Variants in PRKAG2 observed in about 807,000 individuals in gnomAD.
The protein encoded by PRKAG2 is protein kinase AMP-activated non-catalytic subunit gamma 2.
A neutral mutation model predicts 69.6 loss-of-function variants in PRKAG2; 26 were observed. The ratio of observed to expected loss-of-function variants is 0.37; its 90% confidence interval spans 0.27 to 0.52. The LOEUF (loss-of-function observed/expected upper bound fraction) is 0.52, where lower values mean the gene tolerates loss of function less well. Ranked by LOEUF, PRKAG2 falls within the 20% of genes least tolerant of loss-of-function variation. The probability of loss-of-function intolerance (pLI) is 0.90; values close to 1 mark genes in which losing one functional copy is unlikely to be tolerated. For missense variants in PRKAG2, 557 were observed against 740.0 expected (o/e 0.75, Z 2.87); for synonymous variants, 293 against 285.0 (o/e 1.03, Z -0.28).
At chr7:151,826,410 T>C (rs937638078) in intron 1 of PRKAG2, among the ~76,000 whole-genome samples, 7 of 152,142 alleles carry the variant, frequency 4.6e-5, no homozygotes, top group Non-Finnish European at 8.8e-5. Context: ...CTCGAACTCC[T>C]GATCTTAGGT....
chr7:151,821,831 T>C (rs6464174), intron 1 of PRKAG2, among the ~76,000 whole-genome samples: 152,128 of 152,366 alleles, frequency 1, 75,945 homozygotes, highest in Non-Finnish European at 1. Context: ...GTTTCCTCAT[T>C]TGTAAAGTGG....
At chr7:151,856,661 T>C (rs1274258406) in intron 1 of PRKAG2, among the ~76,000 whole-genome samples, 1 of 152,130 alleles carries the variant, frequency 6.6e-6, no homozygotes, top group Non-Finnish European at 1.5e-5. Flanking sequence ...AGACGTTAAG[T>C]CTGGCACCCA....
intron 3 of PRKAG2, among the ~76,000 whole-genome samples, chr7:151,757,782 T>G (rs1222250063): frequency 6.6e-6 from 1 of 152,160 alleles, no homozygotes; most frequent in African/African-American, 2.4e-5. Context: ...CACCCCATCA[T>G]GAAATCAACC....
chr7:151,701,059 C>A (rs1289077237), intron 3 of PRKAG2, among the ~76,000 whole-genome samples: 1 of 152,222 alleles, frequency 6.6e-6, no homozygotes, highest in African/African-American at 2.4e-5. Context: ...CTCCTCCCCT[C>A]AGCTGTCAGG....
At chr7:151,854,935 C>T (rs1312538309) in intron 1 of PRKAG2, among the ~76,000 whole-genome samples, 1 of 147,608 alleles carries the variant, frequency 6.8e-6, no homozygotes, top group African/African-American at 2.4e-5. Flanking sequence ...ACTTTACACA[C>T]ACACCACCCT....
At chr7:151,633,523 GA>G (rs1825188471) in intron 4 of PRKAG2, among the ~76,000 whole-genome samples, 1 of 151,646 alleles carries the variant, frequency 6.6e-6, no homozygotes. Flanking sequence ...ACAAAAGAAA[GA>G]AAAAACTCAC....
At chr7:151,630,139 G>A (rs923381358) in intron 5 of PRKAG2, among the ~76,000 whole-genome samples, 1 of 151,976 alleles carries the variant, frequency 6.6e-6, no homozygotes, top group Non-Finnish European at 1.5e-5. Flanking sequence ...CAGCAATATA[G>A]ATAAAAATAG....
At position 151,853,715 on chromosome 7, in the gene PRKAG2, A is replaced by G. The variant is rs565499324; in HGVS notation, c.114+22792T>C. Among the ~76,000 whole-genome samples, 429 of 150,086 alleles carry G rather than the reference A, an allele frequency of 2.9e-3. 3 individuals carry two copies. The highest frequency in any genetic ancestry group is 0.01 in the African/African-American group (409 of 40,672). On this transcript the variant is annotated intron_variant, in intron 1 of 15. Coordinates refer to ENST00000287878, the MANE Select transcript of PRKAG2 (RefSeq NM_016203.4). ...GTGGAGCTTGCAGTGAGCTGAGATC[A>G]TGCCACTGCAGTCCAGCCTGGGCAA...
intron 1 of PRKAG2, among the ~76,000 whole-genome samples, chr7:151,855,362 G>A (rs111163521): frequency 1.4e-3 from 7 of 4,900 alleles, no homozygotes; most frequent in Admixed American, 3.6e-3. Context: ...CACACACACC[G>A]CCCTCCACAC....
In PRKAG2 at chr7:151,777,882, G is replaced by T. The variant is rs977175111; in HGVS notation, c.466+3270C>A. 6.6e-6 allele frequency among the ~76,000 whole-genome samples: 1 copy of T among 152,138 alleles called. No individual in the cohort carries two copies. The highest frequency in any genetic ancestry group is 6.5e-5 in the Admixed American group (1 of 15,272). ...TAGGATTATGGGAGGGGCCTGAACC[G>T]GGCTAACATGCAGGTGTAGTTTCTA... is the stretch of plus-strand genomic sequence containing the variant. On this transcript the variant is annotated intron_variant, in intron 3 of 15. Transcript: ENST00000287878. This position sits in a 1 kb window ranked among gnomAD's most constrained non-coding sequence, Gnocchi z 4.3.
chr7:151,721,861 C>T (rs1322216612), intron 3 of PRKAG2, among the ~76,000 whole-genome samples: 1 of 152,130 alleles, frequency 6.6e-6, no homozygotes, highest in Non-Finnish European at 1.5e-5. Flanking sequence ...TCTGTACAAA[C>T]ACTACACATA....
intron 1 of PRKAG2, among the ~76,000 whole-genome samples, chr7:151,844,581 C>G (rs777069114): frequency 1.3e-5 from 2 of 152,170 alleles, no homozygotes; most frequent in African/African-American, 4.8e-5. Flanking sequence ...AGATACGAAA[C>G]GTAGAACAGA....
rs1224214854 is a variant in PRKAG2 at position 151,797,409 on chromosome 7, C to T, written c.115-10868G>A. ...TGGCTCTGAGACACACCCTCCTCTA[C>T]GTAGAGGACCTTGTGTGAGAGAGGA... On this transcript the variant is annotated intron_variant, in intron 1 of 15. Transcript: ENST00000287878. Among the ~76,000 whole-genome samples the T allele has an allele frequency of 1.1e-4, 16 of 152,246 alleles. No individual in the cohort carries two copies. In the East Asian group the frequency reaches 2.9e-3, roughly 28 times the overall value.
At chr7:151,689,101 CT>C (rs1219580241) in intron 3 of PRKAG2, among the ~76,000 whole-genome samples, 1 of 152,256 alleles carries the variant, frequency 6.6e-6, no homozygotes, top group Non-Finnish European at 1.5e-5. Flanking sequence ...CACACTAAAG[CT>C]TCCAGAGCAT....
At chr7:151,564,607 G>A (rs1805804840) in intron 13 of PRKAG2, among the ~76,000 whole-genome samples, 1 of 152,174 alleles carries the variant, frequency 6.6e-6, no homozygotes, top group African/African-American at 2.4e-5. Context: ...GGCTAGAAAT[G>A]CTGCAGCAAC....
Position 151,584,281 on chromosome 7 carries a change from A to G in PRKAG2, c.865-7829T>C, listed in dbSNP as rs117263849. ...CAGACATAGGAACATGGGGCCTCCA[A>G]TGAAAAAGATGGCTGGCTTACTGCT... is the stretch of plus-strand genomic sequence containing the variant. On this transcript the variant is annotated intron_variant, in intron 6 of 15. Coordinates refer to ENST00000287878, the MANE Select transcript of PRKAG2 (RefSeq NM_016203.4). 6.0e-3 allele frequency among the ~76,000 whole-genome samples: 910 copies of G among 152,284 alleles called. 5 individuals carry two copies. The highest frequency in any genetic ancestry group is 9.7e-3 in the Non-Finnish European group (657 of 68,028).
chr7:151,562,733 C>T (rs967621013), intron 14 of PRKAG2, among the ~76,000 whole-genome samples: 4 of 152,004 alleles, frequency 2.6e-5, no homozygotes, highest in Non-Finnish European at 5.9e-5. Context: ...TTTGGGAGGC[C>T]GAGGCGGGCA....
chr7:151,871,047 A>C (rs575732259), intron 1 of PRKAG2, among the ~76,000 whole-genome samples: 1 of 152,038 alleles, frequency 6.6e-6, no homozygotes, highest in African/African-American at 2.4e-5. Context: ...CCTTGGGTCC[A>C]TCTCTCTGAC....
At chr7:151,737,733 T>A (rs2073548261) in intron 3 of PRKAG2, among the ~76,000 whole-genome samples, 1 of 152,142 alleles carries the variant, frequency 6.6e-6, no homozygotes, top group Non-Finnish European at 1.5e-5. Context: ...CAGAGCTCAG[T>A]GCCACTGGAG....
Sources: allele counts gnomAD v4.1 joint callset (sites outside exome capture counted in the v4.1 genomes callset), GRCh38; gene constraint gnomAD v4.1.1; non-coding constraint Gnocchi (gnomAD v3.1); transcripts MANE v1.5; gene names NCBI Gene and HGNC (gene_info 2026-07-23, HGNC 2026-07-21).